The following OTOF variants were observed in gnomAD, a reference collection of about 807,000 sequenced individuals.
OTOF encodes otoferlin.
OTOF carries 218 observed loss-of-function variants against 236.8 expected under a neutral mutation model. The observed-to-expected ratio is 0.92, with a 90% CI of 0.82 to 1.03. The LOEUF (loss-of-function observed/expected upper bound fraction) is 1.03. Among genes scored for constraint, OTOF ranks in the 50% least tolerant of loss-of-function variants. The pLI, the probability that OTOF is intolerant of heterozygous loss-of-function variation, is 0.00. For missense variants in OTOF, 2,590 were observed against 2,694.4 expected, an observed-to-expected ratio of 0.96 and a Z score of 0.86; for synonymous variants, 1,041 against 1,072.5, an observed-to-expected ratio of 0.97 and a Z score of 0.57.
At chr2:26,553,498 C>T (rs1184358611) in intron 1 of OTOF, among the ~76,000 whole-genome samples, 2 of 152,322 alleles carry the variant, frequency 1.3e-5, no homozygotes, top group Middle Eastern at 3.4e-3. Flanking sequence ...TTTACCCCCA[C>T]CGCTGGCCCT....
intron 8 of OTOF, among the ~76,000 whole-genome samples, chr2:26,496,391 C>T (rs998325101): frequency 6.6e-6 from 1 of 151,184 alleles, no homozygotes; most frequent in East Asian, 1.9e-4. Context: ...TATGCCACCC[C>T]GCCCGGCTAA....
At chr2:26,471,193 G>A in intron 30 of OTOF, 43 bp from the exon 31 acceptor site, 1 of 1,607,820 alleles carries the variant, frequency 6.2e-7, no homozygotes, top group Non-Finnish European at 8.5e-7. Context: ...CAGCCACTGG[G>A]GCCTGGAGTG....
At chr2:26,479,900 C>G (rs1338886399) in intron 16 of OTOF, among the ~76,000 whole-genome samples, 1 of 152,252 alleles carries the variant, frequency 6.6e-6, no homozygotes, top group African/African-American at 2.4e-5. Flanking sequence ...AGTTCCCACT[C>G]TCTCCTCTCC....
At chr2:26,540,425 AG>A (rs1422931829) in intron 1 of OTOF, among the ~76,000 whole-genome samples, 2 of 152,216 alleles carry the variant, frequency 1.3e-5, no homozygotes, top group East Asian at 3.9e-4. Flanking sequence ...CAGGCCAAGG[AG>A]GTACTGGAGG....
In OTOF at chr2:26,500,874, C is replaced by T. The variant is rs929243348; in HGVS notation, c.765+880G>A. Among the ~76,000 whole-genome samples the T allele has an allele frequency of 3.9e-5, 6 of 152,190 alleles. No homozygotes were observed. In the East Asian group the frequency reaches 5.8e-4, roughly 15 times the overall value. On this transcript the variant is annotated intron_variant, in intron 8 of 46. Transcript: ENST00000272371. ...CTAGGCATCAGAGATAAAGCTCTAC[C>T]CTGGTAGATGGGGCTCACTCTGATT...
intron 41 of OTOF, among the ~76,000 whole-genome samples, chr2:26,463,032 A>G (rs1664552776): frequency 6.6e-6 from 1 of 152,144 alleles, no homozygotes; most frequent in South Asian, 2.1e-4. Flanking sequence ...GCGGAACATC[A>G]CACTAGCCTG....
At chr2:26,476,834 G>C in intron 22 of OTOF, 57 bp downstream of exon 22, 1 of 1,534,630 alleles carries the variant, frequency 6.5e-7, no homozygotes, top group Non-Finnish European at 8.9e-7. Context: ...CCCCAGGTGG[G>C]GGCTGCTGCT....
In OTOF at chr2:26,477,538, C is replaced by T. The variant is rs761128005; in HGVS notation, c.2316-32G>A. The T allele has an allele frequency of 6.3e-7, 1 of 1,596,278 alleles. No homozygotes were observed. The highest frequency in any genetic ancestry group is 1.1e-5 in the South Asian group (1 of 89,288). On this transcript the variant is annotated intron_variant, in intron 19 of 46. Transcript: ENST00000272371. The surrounding 1 kb of genome is among the most constrained non-coding windows in gnomAD (Gnocchi z 4.7). The stretch of plus-strand genomic sequence containing the variant: ...GTAGGGCGAGCCGGGGTTTAGCGAG[C>T]CTGACCAGCAGGGGCTCTGTAGATT...
At chr2:26,505,398 T>A (rs1666222342) in intron 5 of OTOF, among the ~76,000 whole-genome samples, 1 of 144,494 alleles carries the variant, frequency 6.9e-6, no homozygotes, top group African/African-American at 2.6e-5. Context: ...TCCCTTCTGA[T>A]GGGGGAGGTG....
In OTOF at chr2:26,460,616, T is replaced by C; in HGVS notation, c.5813+31A>G. 6.5e-7 allele frequency: 1 copy of C among 1,547,780 alleles called. No homozygotes were observed. On this transcript the variant is annotated intron_variant, in intron 45 of 46. Coordinates refer to ENST00000272371, the MANE Select transcript of OTOF (RefSeq NM_194248.3). The surrounding 1 kb of genome is among the most constrained non-coding windows in gnomAD (Gnocchi z 5.3). ...GTTCCAGCGCCTCCAAGAGCCAGAGTGGGGAGGGGCTGGGCCGGCAGGGCA... is the reference window on the plus strand; with the variant it reads ...GTTCCAGCGCCTCCAAGAGCCAGAGCGGGGAGGGGCTGGGCCGGCAGGGCA...
At chr2:26,483,930 T>C (rs377070149) in intron 12 of OTOF, among the ~76,000 whole-genome samples, 1 of 152,238 alleles carries the variant, frequency 6.6e-6, no homozygotes, top group East Asian at 1.9e-4. Context: ...ATGAGTGCTT[T>C]GTAGATTGTA....
rs749948462 is a variant in OTOF at position 26,477,496 on chromosome 2, A to C, written c.2326T>G (p.Ser776Ala). The change falls in exon 20 of 47, where the codon TCC (serine) becomes GCC (alanine). Residue 776 changes from serine (S) to alanine (A), a missense_variant. This residue lies in a region of OTOF where 1,379 missense variants were observed against 1,341.6 expected (regional missense o/e 1.03). Transcript: ENST00000272371. This position sits in a 1 kb window ranked among gnomAD's most constrained non-coding sequence, Gnocchi z 4.7. ...ELSCGCCRFL[S>A]LADKDQGHSS... Reference sequence around the variant, plus strand: ...TGGCCCTGGTCCTTGTCAGCGAGGGAGAGGAAGCGGCTGGGGGTAGGGCGA... The same window carrying C: ...TGGCCCTGGTCCTTGTCAGCGAGGGCGAGGAAGCGGCTGGGGGTAGGGCGA... The C allele has an allele frequency of 6.2e-7, 1 of 1,603,006 alleles. No individual in the cohort carries two copies. The highest frequency in any genetic ancestry group is 1.3e-5 in the African/African-American group (1 of 74,654).
intron 1 of OTOF, among the ~76,000 whole-genome samples, chr2:26,542,741 G>T (rs1286965022): frequency 6.6e-6 from 1 of 152,224 alleles, no homozygotes; most frequent in Non-Finnish European, 1.5e-5. Context: ...AGCAAGAATG[G>T]TCTGCCCTCA....
chr2:26,465,034 G>A lies in OTOF; in HGVS notation c.4800-5C>T. On this transcript the variant is annotated splice_region_variant and splice_polypyrimidine_tract_variant and intron_variant, in intron 38 of 46. Coordinates refer to ENST00000272371, the MANE Select transcript of OTOF (RefSeq NM_194248.3). ...CGCCAGATATTGTAGCCATGTCTGT[G>A]GGAGGGGACACACAGGCTTGGAGGG... The A allele has an allele frequency of 6.8e-7, 1 of 1,469,690 alleles. No homozygotes were observed. The highest frequency in any genetic ancestry group is 9.1e-7 in the Non-Finnish European group (1 of 1,104,132). The allele number at this position is 1,469,690 out of a possible 1,614,324, so 91.0% of individuals were successfully genotyped here. A position where few individuals can be genotyped will look rare whatever the true frequency, so the allele number is the denominator to read the frequency against.
At chr2:26,529,312 A>G (rs1426773776) in intron 2 of OTOF, among the ~76,000 whole-genome samples, 5 of 152,180 alleles carry the variant, frequency 3.3e-5, no homozygotes, top group African/African-American at 1.2e-4. Context: ...CCATTTTTAT[A>G]CCCTACCAAA....
At chr2:26,495,155 C>T (rs1180253229) in intron 8 of OTOF, 82 bp from the exon 9 acceptor site, 1 of 1,520,392 alleles carries the variant, frequency 6.6e-7, no homozygotes, top group Non-Finnish European at 9.0e-7. Flanking sequence ...GGGGCTGGGG[C>T]AGCAGGGTCA....
rs765523269 is a variant in OTOF, at chr2:26,467,235, T to C, written c.4228-2A>G. 3 of 1,614,016 alleles carry C rather than the reference T, an allele frequency of 1.9e-6. No homozygotes were observed. Among genetic ancestry groups the C allele is most frequent in the African/African-American group, 2.7e-5 (2 of 74,920 alleles). On this transcript the variant is annotated splice_acceptor_variant, in intron 34 of 46. Transcript: ENST00000272371. LOFTEE classifies it high-confidence loss of function. ...GGACTCCAGCTCTTTGGGGTATACC[T>C]GAGACAGACCAGGCTGTTAGGGGGC...
intron 3 of OTOF, among the ~76,000 whole-genome samples, chr2:26,525,573 A>G (rs116679493): frequency 0.044 from 6,645 of 152,264 alleles, 504 homozygotes; most frequent in African/African-American, 0.15. Flanking sequence ...ACCTCATCTC[A>G]GTATCTCCAG....
chr2:26,473,139 G>A lies in OTOF; in HGVS notation c.3726C>T (p.Asn1242=). ...RPPDRSAPSW[N]TTVRLLRRCR... ...GGGTGGATGTGGCCATACCCGTGGTGTTCCAGCTGGGGGCCGAGCGGTCTG... is the reference window on the plus strand; with the variant it reads ...GGGTGGATGTGGCCATACCCGTGGTATTCCAGCTGGGGGCCGAGCGGTCTG... The change falls in exon 29 of 47, where the codon AAC becomes AAT. Residue 1242 remains asparagine (N), a synonymous_variant. Transcript: ENST00000272371. The surrounding 1 kb of genome is among the most constrained non-coding windows in gnomAD (Gnocchi z 7.2). The A allele has an allele frequency of 6.2e-7, 1 of 1,612,154 alleles. No homozygotes were observed. The highest frequency in any genetic ancestry group is 8.5e-7 in the Non-Finnish European group (1 of 1,179,772).
Sources: allele counts gnomAD v4.1 joint callset (sites outside exome capture counted in the v4.1 genomes callset), GRCh38; gene constraint gnomAD v4.1.1; regional missense constraint gnomAD v4.1.1; non-coding constraint Gnocchi (gnomAD v3.1); transcripts MANE v1.5; gene names NCBI Gene and HGNC (gene_info 2026-07-23, HGNC 2026-07-21).